The following CCNY variants were observed in gnomAD, a reference collection of about 807,000 sequenced individuals.
CCNY encodes cyclin-Y.
In CCNY, 19 loss-of-function variants were observed where a neutral mutation model predicts 42.8. That is an observed-to-expected ratio of 0.44 (90% CI 0.31 to 0.65). The LOEUF is 0.65. Ranked by LOEUF, CCNY falls within the 30% of genes least tolerant of loss-of-function variation. The pLI is 0.07. For synonymous variants in CCNY, 165 were observed against 162.7 expected, an observed-to-expected ratio of 1.01 and a Z score of -0.11; for missense variants, 370 against 437.3, an observed-to-expected ratio of 0.85 and a Z score of 1.37.
chr10:35,540,006 C>A (rs1162534577), intron 7 of CCNY, among the ~76,000 whole-genome samples: 2 of 152,144 alleles, frequency 1.3e-5, no homozygotes, highest in Non-Finnish European at 2.9e-5. Context: ...GGGAAGATCA[C>A]CTGCAAATAG....
At chr10:35,541,201 A>G (rs1049305393) in intron 7 of CCNY, among the ~76,000 whole-genome samples, 6 of 152,124 alleles carry the variant, frequency 3.9e-5, no homozygotes, top group African/African-American at 1.4e-4. Context: ...TTTCATTTCC[A>G]TAGATGTATT....
rs779446390 is a variant in CCNY, at chr10:35,566,040, A to G, written c.764A>G (p.Gln255Arg). The change falls in exon 9 of 10, where the codon CAG (glutamine) becomes CGG (arginine). Residue 255 changes from glutamine (Q) to arginine (R), a missense_variant. Physicochemically the swap from Gln to Arg is conservative, Grantham distance 43. This residue lies in a region of CCNY where 234 missense variants were observed against 313.1 expected (regional missense o/e 0.75). Transcript: ENST00000374704. Reference sequence around the variant, plus strand: ...CTTTGCAGGAACGAGCTAGAGCGACAGTTTCTTGAATTGCTGCAGTTCAAC... The same window carrying G: ...CTTTGCAGGAACGAGCTAGAGCGACGGTTTCTTGAATTGCTGCAGTTCAAC... ...TVEDMNELER[Q>R]FLELLQFNIN... is the part of the protein sequence containing the mutation. The G allele has an allele frequency of 1.2e-6, 2 of 1,613,896 alleles. No individual in the cohort carries two copies. The highest frequency in any genetic ancestry group is 1.7e-6 in the Non-Finnish European group (2 of 1,179,942).
At chr10:35,449,066 G>T (rs560164091) in intron 1 of CCNY, among the ~76,000 whole-genome samples, 61 of 152,038 alleles carry the variant, frequency 4.0e-4, no homozygotes, top group African/African-American at 1.4e-3. Context: ...TCTTGAGCCT[G>T]TTGATTTTGA....
At chr10:35,415,170 T>C (rs1837997981) in intron 1 of CCNY, among the ~76,000 whole-genome samples, 1 of 152,142 alleles carries the variant, frequency 6.6e-6, no homozygotes. Context: ...TCAGAGGAGA[T>C]GGAGCCTGGC....
intron 7 of CCNY, among the ~76,000 whole-genome samples, chr10:35,539,503 TAGGGGC>T (rs1447596633): frequency 6.6e-6 from 1 of 152,188 alleles, no homozygotes. Flanking sequence ...AATTTATTCC[TAGGGGC>T]AGGGTGCAGT....
intron 3 of CCNY, among the ~76,000 whole-genome samples, chr10:35,272,551 A>G (rs1038512036): frequency 3.3e-5 from 5 of 152,174 alleles, no homozygotes; most frequent in Non-Finnish European, 7.3e-5. Context: ...TTAGTTTGCT[A>G]AGGATAATGG....
At chr10:35,428,267 G>A (rs1838312941) in intron 1 of CCNY, among the ~76,000 whole-genome samples, 1 of 152,118 alleles carries the variant, frequency 6.6e-6, no homozygotes, top group South Asian at 2.1e-4. Flanking sequence ...GCCTAAAACA[G>A]AGAGAACCTG....
rs1052948943 is a variant in CCNY at position 35,424,677 on chromosome 10, A to G, written c.155-58727A>G. Among the ~76,000 whole-genome samples, 4 of 152,202 alleles carry G rather than the reference A, an allele frequency of 2.6e-5. No individual in the cohort carries two copies. The East Asian group carries it at 7.7e-4, about 29-fold the overall frequency. On this transcript the variant is annotated intron_variant, in intron 1 of 9. Coordinates refer to ENST00000374704, the MANE Select transcript of CCNY (RefSeq NM_145012.6). ...TATTAAGTGCTTGCCAGGGTCTCCC[A>G]GCTCTCACATAGCCTGATCAGAGCC...
intron 4 of CCNY, among the ~76,000 whole-genome samples, chr10:35,524,072 C>G (rs1564445485): frequency 6.6e-6 from 1 of 152,184 alleles, no homozygotes; most frequent in African/African-American, 2.4e-5. Flanking sequence ...TAATTCCTCC[C>G]TTTCCCAGAG....
chr10:35,285,129 C>A (rs1835338197), intron 3 of CCNY, among the ~76,000 whole-genome samples: 1 of 152,102 alleles, frequency 6.6e-6, no homozygotes, highest in Non-Finnish European at 1.5e-5. Flanking sequence ...AATACTCCTG[C>A]CTCAGCCTTC....
chr10:35,423,624 G>C (rs1838206706), intron 1 of CCNY, among the ~76,000 whole-genome samples: 1 of 151,994 alleles, frequency 6.6e-6, no homozygotes, highest in Non-Finnish European at 1.5e-5. Context: ...TTGTTGAATG[G>C]TGGCGGATGT....
At chr10:35,304,084 T>A (rs1471994123) in intron 3 of CCNY, among the ~76,000 whole-genome samples, 1 of 152,120 alleles carries the variant, frequency 6.6e-6, no homozygotes, top group East Asian at 1.9e-4. Context: ...CACCCGTGAA[T>A]GGGCTTCTGG....
At chr10:35,320,640 A>T (rs1835810283) in intron 3 of CCNY, among the ~76,000 whole-genome samples, 1 of 152,250 alleles carries the variant, frequency 6.6e-6, no homozygotes, top group Non-Finnish European at 1.5e-5. Context: ...AGAAAAAGGC[A>T]AAGAAAACCA....
chr10:35,373,657 C>G (rs895086067), intron 1 of CCNY, among the ~76,000 whole-genome samples: 2 of 152,148 alleles, frequency 1.3e-5, no homozygotes, highest in Non-Finnish European at 2.9e-5. Context: ...TTATAATGAT[C>G]CACTTTCACT....
At chr10:35,500,339 A>G (rs990243918) in intron 2 of CCNY, among the ~76,000 whole-genome samples, 1 of 152,262 alleles carries the variant, frequency 6.6e-6, no homozygotes, top group African/African-American at 2.4e-5. Flanking sequence ...GGCAGCATTC[A>G]TTCCAGAGAG....
At chr10:35,429,287 G>T (rs1838334207) in intron 1 of CCNY, among the ~76,000 whole-genome samples, 1 of 152,148 alleles carries the variant, frequency 6.6e-6, no homozygotes, top group Non-Finnish European at 1.5e-5. Flanking sequence ...CATCTCACCA[G>T]TTTTTGTTTT....
chr10:35,416,466 T>C (rs1181125835), intron 1 of CCNY, among the ~76,000 whole-genome samples: 1 of 152,046 alleles, frequency 6.6e-6, no homozygotes, highest in African/African-American at 2.4e-5. Flanking sequence ...GGAATCCTTT[T>C]GATTGGGGAG....
intron 1 of CCNY, among the ~76,000 whole-genome samples, chr10:35,348,752 C>T (rs1325899544): frequency 6.6e-6 from 1 of 152,126 alleles, no homozygotes; most frequent in African/African-American, 2.4e-5. Context: ...GTGTGCTGTG[C>T]CCTGGAGAAT....
chr10:35,285,655 T>C (rs557340229), intron 3 of CCNY, among the ~76,000 whole-genome samples: 1 of 152,308 alleles, frequency 6.6e-6, no homozygotes, highest in South Asian at 2.1e-4. Flanking sequence ...TCTCATTATG[T>C]TACTTACTCA....
Sources: allele counts gnomAD v4.1 joint callset (sites outside exome capture counted in the v4.1 genomes callset), GRCh38; gene constraint gnomAD v4.1.1; regional missense constraint gnomAD v4.1.1; transcripts MANE v1.5; gene names NCBI Gene and HGNC (gene_info 2026-07-23, HGNC 2026-07-21).